SNTG2: variants seen among roughly 807,000 people sequenced by gnomAD.
SNTG2 encodes syntrophin gamma 2.
A neutral mutation model predicts 70.9 loss-of-function variants in SNTG2; 74 were observed. The ratio of observed to expected loss-of-function variants is 1.04; its 90% CI spans 0.86 to 1.27. The LOEUF (loss-of-function observed/expected upper bound fraction) is 1.27. Among genes scored for constraint, SNTG2 ranks in the 50% most tolerant of loss-of-function variants. The pLI is 0.00. For missense variants in SNTG2, 717 were observed against 690.7 expected (o/e 1.04, Z -0.43); for synonymous variants, 278 against 273.8 (o/e 1.02, Z -0.15).
intron 11 of SNTG2, among the ~76,000 whole-genome samples, chr2:1,244,662 CT>C (rs34780992): frequency 0.21 from 30,000 of 143,846 alleles, 4,204 homozygotes; most frequent in African/African-American, 0.39. Flanking sequence ...CACCACTGCA[CT>C]CCAGCCTGGG....
chr2:1,172,001 C>T (rs555981509), intron 7 of SNTG2, among the ~76,000 whole-genome samples: 3 of 152,258 alleles, frequency 2.0e-5, no homozygotes, highest in East Asian at 1.9e-4. Flanking sequence ...AGGAAATAGA[C>T]GGCACAACAG....
At chr2:956,108 CT>C (rs1660136550) in intron 1 of SNTG2, among the ~76,000 whole-genome samples, 1 of 140,228 alleles carries the variant, frequency 7.1e-6, no homozygotes, top group East Asian at 2.1e-4. Flanking sequence ...GCCCCTACCC[CT>C]GCCCTGCCCC....
intron 1 of SNTG2, among the ~76,000 whole-genome samples, chr2:986,186 G>C (rs1661316613): frequency 6.6e-6 from 1 of 151,876 alleles, no homozygotes; most frequent in Non-Finnish European, 1.5e-5. Context: ...GAAGCACTGA[G>C]CACAGGCAGC....
intron 11 of SNTG2, among the ~76,000 whole-genome samples, chr2:1,246,227 G>A (rs1234709423): frequency 2.0e-5 from 3 of 152,278 alleles, no homozygotes; most frequent in South Asian, 4.1e-4. Context: ...ACGCGTCCCC[G>A]CCCTACAAGA....
chr2:1,062,821 C>T (rs552929935), intron 1 of SNTG2, among the ~76,000 whole-genome samples: 407 of 152,210 alleles, frequency 2.7e-3, no homozygotes, highest in Middle Eastern at 6.8e-3. Flanking sequence ...ATGGTGTATT[C>T]GTAAGTGATG....
intron 14 of SNTG2, among the ~76,000 whole-genome samples, chr2:1,288,644 A>G (rs1216794855): frequency 8.2e-5 from 11 of 134,708 alleles, no homozygotes; most frequent in Non-Finnish European, 1.6e-4. Flanking sequence ...ACACACATGA[A>G]GATACATACA....
At chr2:1,258,032 C>T (rs1678220361) in intron 12 of SNTG2, among the ~76,000 whole-genome samples, 1 of 152,028 alleles carries the variant, frequency 6.6e-6, no homozygotes, top group Admixed American at 6.5e-5. Flanking sequence ...ATGGTGGATC[C>T]ACAATTCTGT....
intron 14 of SNTG2, among the ~76,000 whole-genome samples, chr2:1,296,722 C>T (rs943937638): frequency 5.9e-5 from 9 of 152,240 alleles, no homozygotes; most frequent in African/African-American, 1.9e-4. Context: ...TAGGAACCTG[C>T]TTCCGGGTCA....
chr2:1,309,373 C>T (rs376140328), intron 15 of SNTG2, among the ~76,000 whole-genome samples: 11 of 152,348 alleles, frequency 7.2e-5, no homozygotes, highest in South Asian at 4.1e-4. Context: ...CTGGGAACTG[C>T]GCCTTCTTTC....
intron 9 of SNTG2, 91 bp downstream of exon 9, chr2:1,209,321 G>T: frequency 2.0e-6 from 3 of 1,487,650 alleles, no homozygotes; most frequent in South Asian, 2.4e-5. Flanking sequence ...CAGAGCGCTT[G>T]ACTGTGACAT....
chr2:1,229,740 C>T (rs2148071757), intron 9 of SNTG2, among the ~76,000 whole-genome samples: 1 of 152,350 alleles, frequency 6.6e-6, no homozygotes, highest in East Asian at 1.9e-4. Flanking sequence ...CTAAGTCCTG[C>T]CCCGCCGGAA....
intron 9 of SNTG2, among the ~76,000 whole-genome samples, chr2:1,217,515 G>C (rs1038662347): frequency 6.6e-6 from 1 of 152,172 alleles, no homozygotes; most frequent in Non-Finnish European, 1.5e-5. Context: ...GCCACAGAGT[G>C]GGGCTTTCCC....
At chr2:1,338,304 A>C (rs867920823) in intron 16 of SNTG2, among the ~76,000 whole-genome samples, 2 of 152,194 alleles carry the variant, frequency 1.3e-5, no homozygotes, top group Non-Finnish European at 2.9e-5. Flanking sequence ...TAATAACATT[A>C]TGCCTTCCAA....
intron 12 of SNTG2, among the ~76,000 whole-genome samples, chr2:1,248,890 C>T (rs1677596867): frequency 6.6e-6 from 1 of 152,160 alleles, no homozygotes; most frequent in Admixed American, 6.5e-5. Flanking sequence ...TCTTCAAACC[C>T]TAATGGGCAG....
chr2:1,078,231 T>C (rs191115506), intron 1 of SNTG2, among the ~76,000 whole-genome samples: 99 of 152,112 alleles, frequency 6.5e-4, no homozygotes, highest in African/African-American at 2.1e-3. Context: ...GTGGAGAAGG[T>C]AGAGAGGACC....
chr2:1,251,615 C>G (rs1295557429), intron 12 of SNTG2, among the ~76,000 whole-genome samples: 1 of 148,230 alleles, frequency 6.7e-6, no homozygotes, highest in Non-Finnish European at 1.5e-5. Flanking sequence ...CATGCACACA[C>G]CACACACACC....
At chr2:1,264,002 G>A (rs1678590312) in intron 13 of SNTG2, among the ~76,000 whole-genome samples, 1 of 152,184 alleles carries the variant, frequency 6.6e-6, no homozygotes, top group South Asian at 2.1e-4. Flanking sequence ...GGCTTGAACT[G>A]CGTGGGCTCA....
chr2:1,114,159 C>T (rs1666751085), intron 4 of SNTG2, among the ~76,000 whole-genome samples: 2 of 151,484 alleles, frequency 1.3e-5, no homozygotes. Context: ...CCTTACGGTC[C>T]TTTGAGGAGG....
At chr2:1,012,480 C>T (rs955833492) in intron 1 of SNTG2, among the ~76,000 whole-genome samples, 2 of 152,028 alleles carry the variant, frequency 1.3e-5, no homozygotes, top group African/African-American at 4.8e-5. Context: ...GGGGCGGCAG[C>T]GACTTGGGGG....
Sources: allele counts gnomAD v4.1 joint callset (sites outside exome capture counted in the v4.1 genomes callset), GRCh38; gene constraint gnomAD v4.1.1; transcripts MANE v1.5; gene names NCBI Gene and HGNC (gene_info 2026-07-23, HGNC 2026-07-21).